The following PCYT1A variants were observed in gnomAD, a reference collection of about 807,000 sequenced individuals.
PCYT1A encodes phosphate cytidylyltransferase 1A, choline.
PCYT1A carries 25 observed loss-of-function variants against 43.7 expected under a neutral mutation model. That is an observed-to-expected ratio of 0.57 (90% CI 0.42 to 0.80). The LOEUF (loss-of-function observed/expected upper bound fraction) is 0.80. Ranked by LOEUF, PCYT1A falls within the 30% of genes least tolerant of loss-of-function variation. PCYT1A has a pLI of 0.00. For missense variants in PCYT1A, 421 were observed against 474.2 expected (o/e 0.89, Z 1.04); for synonymous variants, 172 against 170.7 (o/e 1.01, Z -0.06).
intron 1 of PCYT1A, among the ~76,000 whole-genome samples, chr3:196,284,399 A>G (rs1465544220): frequency 6.6e-6 from 1 of 152,214 alleles, no homozygotes; most frequent in East Asian, 1.9e-4. Context: ...ATGAAATTAC[A>G]TACAAAATTT....
In PCYT1A at chr3:196,235,914, GACC is replaced by G. The variant is rs1724148836; in HGVS notation, c.*2771_*2773del. On this transcript the variant is annotated 3_prime_UTR_variant, in exon 9 of 9. Coordinates refer to ENST00000431016, the MANE Select transcript of PCYT1A (RefSeq NM_001312673.2). The surrounding 1 kb of genome is among the most constrained non-coding windows in gnomAD (Gnocchi z 4.3). ...CTACCCGTGCTAGTCCAGCACCTCA[GACC>G]ACATTTACCCCAAAGTATCTAACAG... The G allele has an allele frequency of 1.3e-5, 2 of 152,278 alleles. No individual in the cohort carries two copies. Among genetic ancestry groups the G allele is most frequent in the South Asian group, 4.1e-4 (2 of 4,828 alleles). The allele number at this position is 152,278 out of a possible 1,614,324, so 9.4% of individuals were successfully genotyped here. A position where few individuals can be genotyped will look rare whatever the true frequency, so the allele number is the denominator to read the frequency against.
In PCYT1A at chr3:196,242,589, C is replaced by T; in HGVS notation, c.538G>A (p.Asp180Asn). ...GCCTCCTTGATGTGCTTATAAACAT[C>T]ATCACTGCCAGCAGATGAATAAGGA... ...DIPYSSAGSD[D>N]VYKHIKEAGM... is the part of the protein sequence containing the mutation. Residue 180 changes from aspartate to asparagine, a missense_variant, in exon 6 of 9, where the codon GAT (aspartate) becomes AAT (asparagine). Physicochemically the swap from Asp to Asn is conservative, Grantham distance 23 (BLOSUM62 1). Transcript: ENST00000431016. This position sits in a 1 kb window ranked among gnomAD's most constrained non-coding sequence, Gnocchi z 4.2. 1 of 1,612,122 alleles carries T rather than the reference C, an allele frequency of 6.2e-7. No individual in the cohort carries two copies. The highest frequency in any genetic ancestry group is 8.5e-7 in the Non-Finnish European group (1 of 1,178,138).
rs377685482 is a variant in PCYT1A, at chr3:196,248,265, G to A, written c.276C>T (p.His92=). Residue 92 remains histidine, a synonymous_variant, in exon 4 of 9, where the codon CAC becomes CAT. Coordinates refer to ENST00000431016, the MANE Select transcript of PCYT1A (RefSeq NM_001312673.2). ...TCTTCGCTTGCATCAGAGCTCGGGC[G>A]TGACCAGAGTGAAATAAGTCAAATA... ...DGIFDLFHSG[H]ARALMQAKNL... 44 of 1,613,414 alleles carry A rather than the reference G, an allele frequency of 2.7e-5. No homozygotes were observed. Among genetic ancestry groups the A allele is most frequent in the East Asian group, 6.7e-5 (3 of 44,904 alleles).
Position 196,242,936 on chromosome 3 carries a change from A to C in PCYT1A, c.487-296T>G, listed in dbSNP as rs1317424431. The C allele has an allele frequency of 2.6e-6, 1 of 381,922 alleles. No individual in the cohort carries two copies. Among genetic ancestry groups the C allele is most frequent in the East Asian group, 5.3e-5 (1 of 18,894 alleles). The allele number at this position is 381,922 out of a possible 1,614,324, so 23.7% of individuals were successfully genotyped here. On this transcript the variant is annotated intron_variant, in intron 5 of 8. Transcript: ENST00000431016. The surrounding 1 kb of genome is among the most constrained non-coding windows in gnomAD (Gnocchi z 4.2). ...ATCTTGCTGTGGTCAATAGGGCCAG[A>C]GGGTTTGCTGGTGAACCGGTTAGTG...
At chr3:196,275,045 T>C (rs534502122) in intron 1 of PCYT1A, among the ~76,000 whole-genome samples, 18 of 152,326 alleles carry the variant, frequency 1.2e-4, no homozygotes, top group African/African-American at 3.6e-4. Flanking sequence ...AAATGCCTAA[T>C]CCATCCAATT....
At chr3:196,240,066 C>G in intron 7 of PCYT1A, 2 of 258,322 alleles carry the variant, frequency 7.7e-6, no homozygotes, top group Non-Finnish European at 1.5e-5. Flanking sequence ...TGGCCCGAAC[C>G]TCATTCCAGA....
At chr3:196,248,141 G>T in intron 4 of PCYT1A, 66 bp downstream of exon 4, 1 of 893,362 alleles carries the variant, frequency 1.1e-6, no homozygotes, top group Non-Finnish European at 1.9e-6. Flanking sequence ...GTACTCAGCT[G>T]AGAAAGACAG....
intron 1 of PCYT1A, among the ~76,000 whole-genome samples, chr3:196,281,382 GAA>G (rs1725767977): frequency 6.6e-6 from 1 of 152,176 alleles, no homozygotes; most frequent in East Asian, 1.9e-4. Flanking sequence ...CGAAAGTAGG[GAA>G]AAGAGCTGGA....
In PCYT1A at chr3:196,237,957, G is replaced by C. The variant is rs1724218247; in HGVS notation, c.*731C>G. The C allele has an allele frequency of 1.3e-5, 2 of 152,230 alleles. No homozygotes were observed. The highest frequency in any genetic ancestry group is 2.9e-5 in the Non-Finnish European group (2 of 68,038). 9.4% of individuals were successfully genotyped at this position (152,230 alleles called of 1,614,324 possible). On this transcript the variant is annotated 3_prime_UTR_variant, in exon 9 of 9. Coordinates refer to ENST00000431016, the MANE Select transcript of PCYT1A (RefSeq NM_001312673.2). Reference sequence around the variant, plus strand: ...ACTGGGTCACAGAGTTTTCTGAGAAGATGAACACAGCAGAAACACTGCAGT... The same window carrying C: ...ACTGGGTCACAGAGTTTTCTGAGAACATGAACACAGCAGAAACACTGCAGT...
chr3:196,258,207 A>G (rs1423627907), intron 2 of PCYT1A, among the ~76,000 whole-genome samples: 4 of 147,652 alleles, frequency 2.7e-5, no homozygotes, highest in African/African-American at 5.0e-5. Flanking sequence ...AATCGCTTGA[A>G]CCCGGGAGGC....
At chr3:196,271,282 GA>G (rs1345228461) in intron 1 of PCYT1A, among the ~76,000 whole-genome samples, 1 of 151,966 alleles carries the variant, frequency 6.6e-6, no homozygotes, top group Non-Finnish European at 1.5e-5. Context: ...AACTCCCAAA[GA>G]CTTGGGATGA....
At chr3:196,287,063 G>C (rs1268780905) in intron 1 of PCYT1A, 2 of 152,262 alleles carry the variant, frequency 1.3e-5, no homozygotes, top group Admixed American at 1.3e-4. Context: ...GGTGAAGTTT[G>C]TCCGTAAAAA....
At chr3:196,265,087 A>G (rs1331975018) in intron 2 of PCYT1A, among the ~76,000 whole-genome samples, 2 of 151,628 alleles carry the variant, frequency 1.3e-5, no homozygotes, top group African/African-American at 4.8e-5. Context: ...TTTTTGAGAC[A>G]GAGTCTCGCT....
At position 196,234,427 on chromosome 3, in the gene PCYT1A, C is replaced by G. The variant is rs957768904; in HGVS notation, c.*4261G>C. 1.3e-5 allele frequency: 2 copies of G among 152,168 alleles called. No individual in the cohort carries two copies. The highest frequency in any genetic ancestry group is 4.8e-5 in the African/African-American group (2 of 41,442). The allele number at this position is 152,168 out of a possible 1,614,324, so 9.4% of individuals were successfully genotyped here. ...GAACAAAATCCAAAATAACTCAGAA[C>G]AAACTAAGAACAGACAGGAAAATTA... On this transcript the variant is annotated 3_prime_UTR_variant, in exon 9 of 9. Transcript: ENST00000431016.
chr3:196,253,089 G>A (rs1724851499), intron 3 of PCYT1A, among the ~76,000 whole-genome samples: 1 of 152,092 alleles, frequency 6.6e-6, no homozygotes, highest in Admixed American at 6.5e-5. Context: ...TGTAATCCCA[G>A]CACTTTGGGA....
chr3:196,279,158 G>C (rs1044018208), intron 1 of PCYT1A, among the ~76,000 whole-genome samples: 1 of 151,688 alleles, frequency 6.6e-6, no homozygotes, highest in Non-Finnish European at 1.5e-5. Context: ...CGTGGTGGCA[G>C]GTGCCTGTAA....
intron 1 of PCYT1A, among the ~76,000 whole-genome samples, chr3:196,274,894 T>A (rs1446371691): frequency 3.9e-5 from 6 of 152,194 alleles, no homozygotes; most frequent in African/African-American, 1.4e-4. Flanking sequence ...CAAATTAAAA[T>A]GGAAGAAGGG....
intron 1 of PCYT1A, among the ~76,000 whole-genome samples, chr3:196,280,570 G>GTTTT: frequency 0.032 from 2,923 of 91,244 alleles, 132 homozygotes; most frequent in South Asian, 0.067. Context: ...TATTTTTATT[G>GTTTT]TTTTTTTTTT....
rs1011927670 is a variant in PCYT1A, at chr3:196,277,698, C to A, written c.-10-7157G>T. Among the ~76,000 whole-genome samples, 1 of 152,158 alleles carries A rather than the reference C, an allele frequency of 6.6e-6. No homozygotes were observed. Among genetic ancestry groups the A allele is most frequent in the South Asian group, 2.1e-4 (1 of 4,814 alleles). On this transcript the variant is annotated intron_variant, in intron 1 of 8. Coordinates refer to ENST00000431016, the MANE Select transcript of PCYT1A (RefSeq NM_001312673.2). This position sits in a 1 kb window ranked among gnomAD's most constrained non-coding sequence, Gnocchi z 4.1. ...CCAGCCTGGCCAACATGGTGAAACCCCATCTCTACTAAAAATACAAAAATT... is the reference window on the plus strand; with the variant it reads ...CCAGCCTGGCCAACATGGTGAAACCACATCTCTACTAAAAATACAAAAATT...
Sources: allele counts gnomAD v4.1 joint callset (sites outside exome capture counted in the v4.1 genomes callset), GRCh38; gene constraint gnomAD v4.1.1; non-coding constraint Gnocchi (gnomAD v3.1); transcripts MANE v1.5; gene names NCBI Gene and HGNC (gene_info 2026-07-23, HGNC 2026-07-21).